CSMD1: variants seen among roughly 807,000 people sequenced by gnomAD.
CSMD1 encodes the protein CUB and Sushi multiple domains 1, also known as CUB and sushi domain-containing protein 1.
A neutral mutation model predicts 417.5 loss-of-function variants in CSMD1; 213 were observed. The observed-to-expected ratio is 0.51, with a 90% CI of 0.46 to 0.57. The LOEUF (loss-of-function observed/expected upper bound fraction) is 0.57. Among genes scored for constraint, CSMD1 ranks in the 20% least tolerant of loss-of-function variants. The pLI is 0.00. For missense variants in CSMD1, 6,923 were observed against 4,529.7 expected, an observed-to-expected ratio of 1.53 and a Z score of -15.17; for synonymous variants, 2,862 against 1,736.8, an observed-to-expected ratio of 1.65 and a Z score of -16.11.
chr8:4,924,280 T>A (rs776673165), intron 1 of CSMD1, among the ~76,000 whole-genome samples: 10 of 152,268 alleles, frequency 6.6e-5, no homozygotes, highest in Non-Finnish European at 7.3e-5. Context: ...TGTATCATTT[T>A]ACTAAGATAT....
intron 5 of CSMD1, among the ~76,000 whole-genome samples, chr8:3,797,890 G>C (rs1393506651): frequency 5.9e-5 from 9 of 151,990 alleles, no homozygotes; most frequent in African/African-American, 2.2e-4. Context: ...GAGCATGCAA[G>C]TTGTTACGCA....
chr8:3,416,250 C>T (rs1355791962), intron 12 of CSMD1, among the ~76,000 whole-genome samples: 1 of 139,522 alleles, frequency 7.2e-6, no homozygotes, highest in East Asian at 2.1e-4. Flanking sequence ...TTGCAGTGAA[C>T]CGGGACTGCG....
At chr8:3,955,583 T>A (rs2740855) in intron 5 of CSMD1, among the ~76,000 whole-genome samples, 1 of 151,964 alleles carries the variant, frequency 6.6e-6, no homozygotes, top group African/African-American at 2.4e-5. Context: ...AGGAGATTGG[T>A]GCTACCTGCC....
chr8:4,528,748 G>C (rs1796646944), intron 2 of CSMD1, among the ~76,000 whole-genome samples: 2 of 151,536 alleles, frequency 1.3e-5, no homozygotes, highest in Non-Finnish European at 1.5e-5. Context: ...AGTAAGATGA[G>C]AATGCTGCTG....
At position 3,172,332 on chromosome 8, in the gene CSMD1, T is replaced by A. The variant is rs548087335; in HGVS notation, c.5725+8778A>T. 4.3e-3 allele frequency among the ~76,000 whole-genome samples: 661 copies of A among 152,316 alleles called. 6 individuals carry two copies. The highest frequency in any genetic ancestry group is 7.5e-3 in the Non-Finnish European group (511 of 68,024). ...TGATATTTTGCTTTGGCTACAGCGT[T>A]TTTTTCCTAAGTGTTTTTATGGCTG... is the stretch of plus-strand genomic sequence containing the variant. On this transcript the variant is annotated intron_variant, in intron 37 of 69. Coordinates refer to ENST00000635120, the MANE Select transcript of CSMD1 (RefSeq NM_033225.6).
At chr8:4,253,835 C>T (rs955411809) in intron 3 of CSMD1, among the ~76,000 whole-genome samples, 13 of 149,004 alleles carry the variant, frequency 8.7e-5, no homozygotes, top group African/African-American at 2.9e-4. Flanking sequence ...TATCCTATTG[C>T]TAAGGAGGTA....
At chr8:3,477,765 A>C (rs1817514895) in intron 11 of CSMD1, among the ~76,000 whole-genome samples, 1 of 152,122 alleles carries the variant, frequency 6.6e-6, no homozygotes, top group Non-Finnish European at 1.5e-5. Context: ...TACAGTATTG[A>C]GGAGGTACTG....
intron 5 of CSMD1, among the ~76,000 whole-genome samples, chr8:3,899,620 G>C (rs768554671): frequency 2.0e-5 from 3 of 152,212 alleles, no homozygotes; most frequent in African/African-American, 7.2e-5. Context: ...TAAGTATGTA[G>C]TGAGAGGAAA....
chr8:3,326,239 G>C (rs1585003847), intron 23 of CSMD1, among the ~76,000 whole-genome samples: 1 of 152,208 alleles, frequency 6.6e-6, no homozygotes, highest in Admixed American at 6.5e-5. Context: ...ATATTAAACT[G>C]TAAGAGACTG....
At chr8:4,944,213 A>G (rs1368176306) in intron 1 of CSMD1, among the ~76,000 whole-genome samples, 1 of 152,198 alleles carries the variant, frequency 6.6e-6, no homozygotes, top group African/African-American at 2.4e-5. Flanking sequence ...TGTATGTAAT[A>G]ATTAAAGACC....
At chr8:4,751,706 A>C (rs1441436885) in intron 1 of CSMD1, among the ~76,000 whole-genome samples, 1 of 152,072 alleles carries the variant, frequency 6.6e-6, no homozygotes, top group Non-Finnish European at 1.5e-5. Context: ...TGAAACACAG[A>C]CCAATTTTAT....
chr8:4,430,944 A>G (rs1035640130), intron 2 of CSMD1, among the ~76,000 whole-genome samples: 3 of 152,302 alleles, frequency 2.0e-5, no homozygotes, highest in Admixed American at 6.5e-5. Context: ...ATTCACTACT[A>G]GAATTTTTAT....
intron 23 of CSMD1, among the ~76,000 whole-genome samples, chr8:3,323,281 CCTCT>C (rs1217715549): frequency 2.0e-5 from 3 of 151,996 alleles, no homozygotes; most frequent in East Asian, 1.9e-4. Context: ...TAAAATCTTA[CCTCT>C]CTCTATTTTT....
intron 7 of CSMD1, among the ~76,000 whole-genome samples, chr8:3,703,357 A>C (rs1056000838): frequency 6.6e-6 from 1 of 152,154 alleles, no homozygotes; most frequent in Admixed American, 6.5e-5. Flanking sequence ...AAATTCACAA[A>C]AGACTCATCA....
In CSMD1 at chr8:3,521,781, T is replaced by C. The variant is rs185524737; in HGVS notation, c.1345-28055A>G. Among the ~76,000 whole-genome samples the C allele has an allele frequency of 3.3e-5, 5 of 152,322 alleles. No individual in the cohort carries two copies. The East Asian group carries it at 5.8e-4, about 18-fold the overall frequency. ...TATTGTATTCCCAGAACAAAATGCA[T>C]TGAATGACAAAGAATGGATTCTCTG... On this transcript the variant is annotated intron_variant, in intron 10 of 69. Coordinates refer to ENST00000635120, the MANE Select transcript of CSMD1 (RefSeq NM_033225.6).
intron 20 of CSMD1, among the ~76,000 whole-genome samples, chr8:3,365,345 T>A (rs1033888228): frequency 6.6e-6 from 1 of 152,174 alleles, no homozygotes; most frequent in Non-Finnish European, 1.5e-5. Context: ...AGAGGGAGTA[T>A]AAAGTAGTTC....
At chr8:3,662,807 G>A (rs1335895987) in intron 7 of CSMD1, among the ~76,000 whole-genome samples, 1 of 151,986 alleles carries the variant, frequency 6.6e-6, no homozygotes, top group Non-Finnish European at 1.5e-5. Context: ...ATGGACACAG[G>A]GAGGGGAACA....
chr8:4,088,484 G>A (rs1265264715), intron 3 of CSMD1, among the ~76,000 whole-genome samples: 1 of 152,028 alleles, frequency 6.6e-6, no homozygotes, highest in Admixed American at 6.6e-5. Flanking sequence ...CTCTTCACTG[G>A]TTATCCATCT....
At chr8:3,759,739 C>T (rs921801499) in intron 5 of CSMD1, among the ~76,000 whole-genome samples, 2 of 110,748 alleles carry the variant, frequency 1.8e-5, no homozygotes, top group African/African-American at 8.4e-5. Flanking sequence ...ACTAAAAATA[C>T]CAAAAAAAAA....
Sources: gnomAD v4.1 joint callset for allele counts (sites outside exome capture counted in the v4.1 genomes callset) on GRCh38, gnomAD v4.1.1 for gene constraint, MANE v1.5 for transcripts, NCBI Gene and HGNC (gene_info 2026-07-23, HGNC 2026-07-21) for gene names.